FIG4: variants seen among roughly 807,000 people sequenced by gnomAD.
The protein encoded by FIG4 is FIG4 phosphoinositide 5-phosphatase.
Under a neutral mutation model 118.6 loss-of-function variants are expected in FIG4, and 112 were observed. That is an observed-to-expected ratio of 0.94 (90% confidence interval 0.81 to 1.11). The LOEUF (loss-of-function observed/expected upper bound fraction) is 1.11. Ranked by LOEUF, FIG4 falls within the 50% of genes least tolerant of loss-of-function variation. FIG4 has a pLI of 0.00. For missense variants in FIG4, 969 were observed against 1,111.7 expected (o/e 0.87, Z 1.83); for synonymous variants, 369 against 381.2 (o/e 0.97, Z 0.37).
At chr6:109,779,095 A>C (rs1403244087) in intron 16 of FIG4, among the ~76,000 whole-genome samples, 1 of 152,116 alleles carries the variant, frequency 6.6e-6, no homozygotes, top group Non-Finnish European at 1.5e-5. Context: ...ATAAAATATT[A>C]TTTACATGAA....
At chr6:109,699,508 T>C (rs978593197) in intron 1 of FIG4, among the ~76,000 whole-genome samples, 5 of 151,448 alleles carry the variant, frequency 3.3e-5, no homozygotes, top group African/African-American at 7.3e-5. Context: ...GTTTTTTTTT[T>C]GTTTTTTTTT....
At chr6:109,756,747 A>T (rs2128390143) in intron 10 of FIG4, among the ~76,000 whole-genome samples, 1 of 152,296 alleles carries the variant, frequency 6.6e-6, no homozygotes, top group East Asian at 1.9e-4. Context: ...AGGCTTCTGC[A>T]TTCTTGACGT....
At chr6:109,825,064 C>A in intron 22 of FIG4, 24 bp from the exon 23 acceptor site, 1 of 1,607,850 alleles carries the variant, frequency 6.2e-7, no homozygotes, top group Non-Finnish European at 8.5e-7. Context: ...TTAATGCAGC[C>A]CTCTCTTTAT....
chr6:109,785,775 A>G (rs1777935280), intron 17 of FIG4: 1 of 459,724 alleles, frequency 2.2e-6, no homozygotes, highest in Non-Finnish European at 4.5e-6. Flanking sequence ...ATAAAGTAAG[A>G]TTACAAAGTA....
At chr6:109,796,413 T>C (rs762327460) in intron 21 of FIG4, among the ~76,000 whole-genome samples, 1 of 152,204 alleles carries the variant, frequency 6.6e-6, no homozygotes, top group Non-Finnish European at 1.5e-5. Context: ...CATTAGATAT[T>C]TGTCACCCTT....
chr6:109,812,595 T>C (rs1778750868), intron 22 of FIG4, among the ~76,000 whole-genome samples: 4 of 152,134 alleles, frequency 2.6e-5, no homozygotes, highest in Admixed American at 2.6e-4. Context: ...TGGGCAGCAG[T>C]GTTGAATACA....
chr6:109,796,842 T>A lies in FIG4; in HGVS notation c.2537T>A (p.Val846Asp). ...CCCTGTTCTAGGTGCTCAGATGGAG[T>A]TATAAAACTGTAAGTACTAGATTAG... ...QQPCSRCSDG[V>D]IKLTPISAFS... The change falls in exon 22 of 23, where the codon GTT becomes GAT. Residue 846 changes from valine to aspartate, a missense_variant. Physicochemically the swap from Val to Asp is radical, Grantham distance 152 (BLOSUM62 -3). Coordinates refer to ENST00000230124, the MANE Select transcript of FIG4 (RefSeq NM_014845.6). 6.3e-7 allele frequency: 1 copy of A among 1,583,972 alleles called. No individual in the cohort carries two copies. The highest frequency in any genetic ancestry group is 8.7e-7 in the Non-Finnish European group (1 of 1,152,574).
intron 10 of FIG4, among the ~76,000 whole-genome samples, chr6:109,759,836 A>G (rs1256168962): frequency 2.0e-5 from 3 of 152,222 alleles, no homozygotes; most frequent in African/African-American, 4.8e-5. Flanking sequence ...CTGCTGTGCT[A>G]GTTTGGGAAT....
rs1583742873 is a variant in FIG4 at position 109,792,599 on chromosome 6, G to A, written c.2394G>A (p.Met798Ile). Reference protein sequence around the residue: ...AKVTENVVQPMKELYGINLSD... With the variant: ...AKVTENVVQPIKELYGINLSD... Reference sequence around the variant, plus strand: ...AACCCCAGAATGTGGTCCAACCCATGAAGGAGCTATATGGAATTAACCTCT... The same window carrying A: ...AACCCCAGAATGTGGTCCAACCCATAAAGGAGCTATATGGAATTAACCTCT... The change falls in exon 21 of 23, where the codon ATG (methionine) becomes ATA (isoleucine). Residue 798 changes from methionine (M) to isoleucine (I), a missense_variant. Met to Ile is a conservative substitution (Grantham distance 10). Around this residue, in one of 3 missense-constraint regions of FIG4, gnomAD observed 330 missense variants for 348.1 expected, o/e 0.95. Coordinates refer to ENST00000230124, the MANE Select transcript of FIG4 (RefSeq NM_014845.6). 3.7e-6 allele frequency: 6 copies of A among 1,600,664 alleles called. No individual in the cohort carries two copies. The East Asian group carries it at 1.3e-4, about 36-fold the overall frequency.
intron 3 of FIG4, among the ~76,000 whole-genome samples, chr6:109,726,652 A>G (rs758658926): frequency 3.3e-5 from 5 of 152,178 alleles, no homozygotes; most frequent in Non-Finnish European, 7.3e-5. Flanking sequence ...AAGAAAGTCA[A>G]TGGTAGCTTG....
Position 109,791,326 on chromosome 6 carries a change from G to A in FIG4, c.2181-50G>A, listed in dbSNP as rs1333655692. The A allele has an allele frequency of 4.7e-6, 7 of 1,486,986 alleles. No homozygotes were observed. In the African/African-American group the frequency reaches 6.9e-5, roughly 15 times the overall value. 92.1% of individuals were successfully genotyped at this position (1,486,986 alleles called of 1,614,324 possible). The stretch of plus-strand genomic sequence containing the variant: ...TGGGACAGAGTGATAGACAGTGGGT[G>A]TTGAGGGTTAGTTTAAAGATGCTTC... On this transcript the variant is annotated intron_variant, in intron 19 of 22. Transcript: ENST00000230124.
chr6:109,722,693 T>C (rs921631130), intron 3 of FIG4, among the ~76,000 whole-genome samples: 4 of 152,086 alleles, frequency 2.6e-5, no homozygotes, highest in Non-Finnish European at 5.9e-5. Flanking sequence ...GACAGCTGTA[T>C]ATGACTGTAT....
chr6:109,777,169 TTTTTTAAAA>T (rs1583718588), intron 16 of FIG4, 109 bp downstream of exon 16: 2 of 1,068,034 alleles, frequency 1.9e-6, no homozygotes, highest in Admixed American at 2.7e-5. Flanking sequence ...TTTTATTTTA[TTTTTTAAAA>T]TTTTTAAAAT....
At chr6:109,700,681 A>G (rs1017366781) in intron 1 of FIG4, among the ~76,000 whole-genome samples, 4 of 152,240 alleles carry the variant, frequency 2.6e-5, no homozygotes, top group Non-Finnish European at 5.9e-5. Context: ...GGTAATGCCA[A>G]CAACTGTGGA....
intron 16 of FIG4, among the ~76,000 whole-genome samples, chr6:109,778,844 C>T (rs1321829048): frequency 6.6e-6 from 1 of 152,128 alleles, no homozygotes; most frequent in Non-Finnish European, 1.5e-5. Flanking sequence ...TGTGATCTGC[C>T]CGCCTTGGCC....
intron 17 of FIG4, chr6:109,785,754 TG>T (rs1239851902): frequency 1.1e-5 from 5 of 467,932 alleles, no homozygotes; most frequent in Non-Finnish European, 2.2e-5. Flanking sequence ...CAACTTTGGG[TG>T]GGGAAGGCCA....
chr6:109,801,827 T>A (rs1027860919), intron 22 of FIG4, among the ~76,000 whole-genome samples: 1 of 152,208 alleles, frequency 6.6e-6, no homozygotes, highest in African/African-American at 2.4e-5. Context: ...ATTCTTCACA[T>A]ACAAGTCACA....
At chr6:109,782,102 A>G (rs988278629) in intron 16 of FIG4, among the ~76,000 whole-genome samples, 1 of 152,158 alleles carries the variant, frequency 6.6e-6, no homozygotes, top group African/African-American at 2.4e-5. Context: ...AGAACTCTTA[A>G]TAATACTAGG....
intron 16 of FIG4, among the ~76,000 whole-genome samples, chr6:109,781,011 A>G (rs868256136): frequency 2.0e-5 from 3 of 152,234 alleles, no homozygotes; most frequent in Admixed American, 6.5e-5. Context: ...ATTGACTCCT[A>G]GAGTTGGGAG....
Sources: allele counts gnomAD v4.1 joint callset (sites outside exome capture counted in the v4.1 genomes callset), GRCh38; gene constraint gnomAD v4.1.1; regional missense constraint gnomAD v4.1.1; transcripts MANE v1.5; gene names NCBI Gene and HGNC (gene_info 2026-07-23, HGNC 2026-07-21).